Variants in MAPT observed in about 807,000 individuals in gnomAD.
MAPT encodes the protein microtubule associated protein tau.
A neutral mutation model predicts 67.9 loss-of-function variants in MAPT; 34 were observed. The ratio of observed to expected loss-of-function variants is 0.50; its 90% confidence interval spans 0.38 to 0.67. The LOEUF (loss-of-function observed/expected upper bound fraction) is 0.67, where lower values mean the gene tolerates loss of function less well. Ranked by LOEUF, MAPT falls within the 30% of genes least tolerant of loss-of-function variation. The pLI is 0.00. For missense variants in MAPT, 881 were observed against 1,115.2 expected, an observed-to-expected ratio of 0.79 and a Z score of 2.99; for synonymous variants, 456 against 464.5, an observed-to-expected ratio of 0.98 and a Z score of 0.23.
rs1274495597 is a variant in MAPT, at chr17:45,995,134, G to C, written c.1733-1265G>C. Among the ~76,000 whole-genome samples the C allele has an allele frequency of 1.3e-5, 2 of 152,140 alleles. No individual in the cohort carries two copies. The highest frequency in any genetic ancestry group is 4.8e-5 in the African/African-American group (2 of 41,418). On this transcript the variant is annotated intron_variant, in intron 8 of 12. Coordinates refer to ENST00000262410, the MANE Select transcript of MAPT (RefSeq NM_001377265.1). This position sits in a 1 kb window ranked among gnomAD's most constrained non-coding sequence, Gnocchi z 4.3. Reference sequence around the variant, plus strand: ...GGCCAAGCTGCCCATTGGCTACATGGGTGCTTCAAAGAGCTGCCCTTCTCC... The same window carrying C: ...GGCCAAGCTGCCCATTGGCTACATGCGTGCTTCAAAGAGCTGCCCTTCTCC...
chr17:45,946,598 T>TAAAAAA (rs763910082), intron 1 of MAPT, among the ~76,000 whole-genome samples: 9 of 60,886 alleles, frequency 1.5e-4, no homozygotes, highest in African/African-American at 6.3e-4. Context: ...GACTCTGTCT[T>TAAAAAA]AAAAAAAAAA....
At chr17:45,978,565 T>C in intron 4 of MAPT, 125 bp downstream of exon 4, 1 of 746,952 alleles carries the variant, frequency 1.3e-6, no homozygotes, top group Non-Finnish European at 2.2e-6. Context: ...TTTTAGGGAG[T>C]TGGTTCTTAT....
At position 45,983,064 on chromosome 17, in the gene MAPT, C is replaced by T; in HGVS notation, c.485C>T (p.Pro162Leu). 9 of 1,531,270 alleles carry T rather than the reference C, an allele frequency of 5.9e-6. No homozygotes were observed. The highest frequency in any genetic ancestry group is 4.8e-5 in the South Asian group (4 of 83,118). 94.9% of individuals were successfully genotyped at this position (1,531,270 alleles called of 1,614,324 possible). The change falls in exon 5 of 13, where the codon CCT becomes CTT. Residue 162 changes from proline to leucine, a missense_variant. Coordinates refer to ENST00000262410, the MANE Select transcript of MAPT (RefSeq NM_001377265.1). ...PQHRPVCPAP[P>L]PTGGPQEPSL... is the part of the protein sequence containing the mutation. ...CACCGTCCCGTTTGCCCAGCGCCTC[C>T]TCCAACAGGAGGCCCTCAGGAGCCC...
At chr17:46,022,644 C>T (rs953420575) in intron 12 of MAPT, among the ~76,000 whole-genome samples, 1 of 152,150 alleles carries the variant, frequency 6.6e-6, no homozygotes, top group Non-Finnish European at 1.5e-5. Context: ...TGAGAATGAC[C>T]GTGTCGGCCA....
At chr17:45,974,615 G>A (rs1484378089) in intron 3 of MAPT, 2 of 680,972 alleles carry the variant, frequency 2.9e-6, no homozygotes, top group Admixed American at 2.4e-5. Context: ...GGGAATCTTG[G>A]GTTGTGAGTA....
At position 46,028,029 on chromosome 17, in the gene MAPT, A is replaced by G. The variant is rs7521; in HGVS notation, c.*3858A>G. The G allele has an allele frequency of 0.57, 87,948 of 155,208 alleles. 25,269 individuals are homozygous for G. The highest frequency in any genetic ancestry group is 0.89 in the East Asian group (4,915 of 5,522). 9.6% of individuals were successfully genotyped at this position (155,208 alleles called of 1,614,324 possible). A position where few individuals can be genotyped will look rare whatever the true frequency, so the allele number is the denominator to read the frequency against. ...CTGCGTGTCCCATCTACAGACCTGC[A>G]GCTTCATAAAACTTCTGATTTCTCT... On this transcript the variant is annotated 3_prime_UTR_variant, in exon 13 of 13. Coordinates refer to ENST00000262410, the MANE Select transcript of MAPT (RefSeq NM_001377265.1).
intron 1 of MAPT, among the ~76,000 whole-genome samples, chr17:45,948,657 C>A (rs2068744976): frequency 6.6e-6 from 1 of 152,218 alleles, no homozygotes; most frequent in African/African-American, 2.4e-5. Flanking sequence ...TTACATACTT[C>A]CTGTGTGACC....
At chr17:45,991,369 G>A in intron 7 of MAPT, 91 bp from the exon 8 acceptor site, 2 of 1,552,010 alleles carry the variant, frequency 1.3e-6, no homozygotes, top group Non-Finnish European at 1.8e-6. Flanking sequence ...CACGTTTTGA[G>A]TCAAGGTGGC....
intron 11 of MAPT, among the ~76,000 whole-genome samples, chr17:46,017,765 G>C (rs536875166): frequency 2.0e-4 from 30 of 149,886 alleles, no homozygotes; most frequent in Admixed American, 3.3e-4. Context: ...GGCCTGAAAG[G>C]GTTCTTATTT....
In MAPT at chr17:45,983,058, C is replaced by A; in HGVS notation, c.479C>A (p.Ala160Glu). 6.6e-7 allele frequency: 1 copy of A among 1,526,404 alleles called. No individual in the cohort carries two copies. The highest frequency in any genetic ancestry group is 1.4e-5 in the African/African-American group (1 of 72,522). 94.6% of individuals were successfully genotyped at this position (1,526,404 alleles called of 1,614,324 possible). A position where few individuals can be genotyped will look rare whatever the true frequency, so the allele number is the denominator to read the frequency against. ...SLPQHRPVCP[A>E]PPPTGGPQEP... ...CCTCAGCACCGTCCCGTTTGCCCAG[C>A]GCCTCCTCCAACAGGAGGCCCTCAG... is the stretch of plus-strand genomic sequence containing the variant. The change falls in exon 5 of 13, where the codon GCG (alanine) becomes GAG (glutamate). Residue 160 changes from alanine (A) to glutamate (E), a missense_variant. By Grantham distance (107) the Ala-to-Glu change is moderately radical. Around this residue, in one of 6 missense-constraint regions of MAPT, gnomAD observed 687 missense variants for 766.1 expected, o/e 0.90. Coordinates refer to ENST00000262410, the MANE Select transcript of MAPT (RefSeq NM_001377265.1).
chr17:46,023,168 TTAAAA>T (rs1475219949), intron 12 of MAPT, among the ~76,000 whole-genome samples: 2 of 152,324 alleles, frequency 1.3e-5, no homozygotes, highest in South Asian at 2.1e-4. Context: ...GCAATATCTA[TTAAAA>T]TAAAATGTGC....
intron 1 of MAPT, among the ~76,000 whole-genome samples, chr17:45,941,878 G>A (rs1291045217): frequency 6.6e-6 from 1 of 151,742 alleles, no homozygotes; most frequent in Non-Finnish European, 1.5e-5. Flanking sequence ...ATGTTCTTGG[G>A]GCCCAGAACC....
intron 5 of MAPT, among the ~76,000 whole-genome samples, chr17:45,984,438 G>A (rs1043231812): frequency 6.6e-6 from 1 of 152,264 alleles, no homozygotes; most frequent in African/African-American, 2.4e-5. Context: ...GGTTGTCTCT[G>A]AAAGACACGC....
chr17:45,945,776 G>A (rs2068417829), intron 1 of MAPT, among the ~76,000 whole-genome samples: 1 of 151,738 alleles, frequency 6.6e-6, no homozygotes, highest in Admixed American at 6.6e-5. Flanking sequence ...TCGCACCACT[G>A]TACTCAAACC....
intron 1 of MAPT, among the ~76,000 whole-genome samples, chr17:45,924,914 G>A (rs9901881): frequency 0.043 from 6,491 of 152,240 alleles, 480 homozygotes; most frequent in African/African-American, 0.15. Context: ...CAAGCTGCTT[G>A]GATCTTGGTG....
At position 46,024,223 on chromosome 17, in the gene MAPT, T is replaced by TG. The variant is rs1473068558; in HGVS notation, c.*54dup. The TG allele has an allele frequency of 2.6e-6, 4 of 1,532,604 alleles. No individual in the cohort carries two copies. Among genetic ancestry groups the TG allele is most frequent in the Non-Finnish European group, 3.6e-6 (4 of 1,109,060 alleles). The allele number at this position is 1,532,604 out of a possible 1,614,324, so 94.9% of individuals were successfully genotyped here. The stretch of plus-strand genomic sequence containing the variant: ...GTGGAGAGGAGAGAATGAGAGAGTG[T>TG]GGAAAAAAAAAGAATAATGACCCGG... On this transcript the variant is annotated 3_prime_UTR_variant, in exon 13 of 13. Coordinates refer to ENST00000262410, the MANE Select transcript of MAPT (RefSeq NM_001377265.1).
At chr17:45,990,594 C>T (rs574638049) in intron 7 of MAPT, 4 of 348,174 alleles carry the variant, frequency 1.1e-5, no homozygotes, top group African/African-American at 2.2e-5. Context: ...AAGACCCTGT[C>T]GCAAAAATTG....
At chr17:45,910,093 A>C (rs2064652426) in intron 1 of MAPT, among the ~76,000 whole-genome samples, 1 of 152,104 alleles carries the variant, frequency 6.6e-6, no homozygotes, top group South Asian at 2.1e-4. Context: ...TTGGATGTCA[A>C]CCTCTAGGTG....
intron 1 of MAPT, among the ~76,000 whole-genome samples, chr17:45,930,712 C>T (rs905370214): frequency 6.6e-6 from 1 of 152,202 alleles, no homozygotes; most frequent in Non-Finnish European, 1.5e-5. Flanking sequence ...TTCATCTATC[C>T]ATGACACCTG....
Sources: allele counts gnomAD v4.1 joint callset (sites outside exome capture counted in the v4.1 genomes callset), GRCh38; gene constraint gnomAD v4.1.1; regional missense constraint gnomAD v4.1.1; non-coding constraint Gnocchi (gnomAD v3.1); transcripts MANE v1.5; gene names NCBI Gene and HGNC (gene_info 2026-07-23, HGNC 2026-07-21).